The following FRMPD3 variants were observed in gnomAD, a reference collection of about 807,000 sequenced individuals.
FRMPD3 encodes the protein FERM and PDZ domain-containing protein 3.
A neutral mutation model predicts 97.9 loss-of-function variants in FRMPD3; 42 were observed. That is an observed-to-expected ratio of 0.43 (90% CI 0.34 to 0.55). The LOEUF (loss-of-function observed/expected upper bound fraction) is 0.55, where lower values mean the gene tolerates loss of function less well. FRMPD3 is among the 20% of genes least tolerant of loss of function. FRMPD3 has a pLI of 0.03. For missense variants in FRMPD3, 1,303 were observed against 1,457.7 expected (o/e 0.89, Z 1.73); for synonymous variants, 577 against 581.1 (o/e 0.99, Z 0.10).
intron 1 of FRMPD3, among the ~76,000 whole-genome samples, chrX:107,524,098 T>A (rs1922602497): frequency 8.9e-6 from 1 of 112,357 alleles, no homozygotes; most frequent in Non-Finnish European, 1.9e-5. Flanking sequence ...GAAGTCCTTT[T>A]AGCGCCAACA....
chrX:107,506,331 A>AC (rs1479562706), intron 1 of FRMPD3, among the ~76,000 whole-genome samples: 1 of 112,326 alleles, frequency 8.9e-6, no homozygotes, highest in Non-Finnish European at 1.9e-5. Context: ...TCAGAAAAAA[A>AC]TGGGGAAAGT....
chrX:107,515,869 A>G (rs908858712), intron 1 of FRMPD3, among the ~76,000 whole-genome samples: 9 of 111,757 alleles, frequency 8.1e-5, no homozygotes, highest in African/African-American at 2.6e-4. Context: ...AAGAAAAGAA[A>G]CATCCTCCAT....
rs776762201 is a variant in FRMPD3 at position 107,456,900 on chromosome X, G to C, written c.-8+6895G>C. ...TCAAGCTCATTTTTCTTTTTTTCTC[G>C]CTTTGGCATAATGATTAAAACAAGA... On this transcript the variant is annotated intron_variant, in intron 1 of 14. Transcript: ENST00000683843. Among the ~76,000 whole-genome samples, 12 of 111,624 alleles carry C rather than the reference G, an allele frequency of 1.1e-4. No individual in the cohort carries two copies. In the South Asian group the frequency reaches 4.5e-3, roughly 42 times the overall value.
chrX:107,535,468 G>A (rs1039129570), intron 4 of FRMPD3, among the ~76,000 whole-genome samples: 1 of 109,372 alleles, frequency 9.1e-6, no homozygotes, highest in Admixed American at 9.8e-5. Context: ...CCAGGAGTTC[G>A]AGACCAGCCT....
chrX:107,511,868 T>C (rs1472368916), intron 1 of FRMPD3, among the ~76,000 whole-genome samples: 1 of 112,094 alleles, frequency 8.9e-6, no homozygotes, highest in Non-Finnish European at 1.9e-5. Flanking sequence ...CTTAGCATTC[T>C]GTGCCAGGGC....
chrX:107,538,021 G>A (rs2147562394), intron 4 of FRMPD3, among the ~76,000 whole-genome samples: 1 of 111,590 alleles, frequency 9.0e-6, no homozygotes, highest in African/African-American at 3.3e-5. Flanking sequence ...GCAGTGCAGT[G>A]TAGTGCAAGA....
At position 107,602,062 on chromosome X, in the gene FRMPD3, G is replaced by T. The variant is rs1481315307; in HGVS notation, c.4023G>T (p.Val1341=). ...SQRQPEAGPG[V]SLSSPINVQR... is the part of the protein sequence containing the mutation. ...GGCAGCCAGAGGCTGGCCCAGGCGT[G>T]AGCCTCAGCAGCCCCATCAATGTCC... Residue 1341 remains valine, a synonymous_variant, in exon 15 of 15, where the codon GTG becomes GTT. Transcript: ENST00000683843. The T allele has an allele frequency of 8.3e-7, 1 of 1,197,659 alleles. No homozygotes were observed.
At chrX:107,463,295 A>G (rs1270585120) in intron 1 of FRMPD3, among the ~76,000 whole-genome samples, 1 of 112,192 alleles carries the variant, frequency 8.9e-6, no homozygotes, top group Non-Finnish European at 1.9e-5. Flanking sequence ...GAATACTTCT[A>G]TGATCCATGG....
intron 12 of FRMPD3, among the ~76,000 whole-genome samples, chrX:107,565,417 G>A (rs950135362): frequency 2.7e-5 from 3 of 111,766 alleles, no homozygotes; most frequent in Admixed American, 9.5e-5. Context: ...TTCACAGGCC[G>A]GCATGGTGGC....
At chrX:107,512,243 T>A (rs1432721570) in intron 1 of FRMPD3, among the ~76,000 whole-genome samples, 1 of 110,344 alleles carries the variant, frequency 9.1e-6, no homozygotes, top group African/African-American at 3.3e-5. Flanking sequence ...AGCAGTCCCC[T>A]CCCCTAGAGC....
intron 9 of FRMPD3, 98 bp downstream of exon 9, chrX:107,560,491 C>T: frequency 9.4e-7 from 1 of 1,062,626 alleles, no homozygotes; most frequent in Non-Finnish European, 1.3e-6. Context: ...AAATGTAGGA[C>T]ATGGGATGGG....
At position 107,492,860 on chromosome X, in the gene FRMPD3, G is replaced by A. The variant is rs186290135; in HGVS notation, c.-7-33722G>A. On this transcript the variant is annotated intron_variant, in intron 1 of 14. Transcript: ENST00000683843. ...CACAGCTAGAAACCCTTTCATGGGA[G>A]TTTTCATTGTTTGGAGACTATAGAA... 1.8e-4 allele frequency among the ~76,000 whole-genome samples: 20 copies of A among 111,548 alleles called. No homozygotes were observed. The East Asian group carries it at 4.8e-3, about 27-fold the overall frequency.
At chrX:107,537,334 A>T (rs985650839) in intron 4 of FRMPD3, among the ~76,000 whole-genome samples, 7 of 111,707 alleles carry the variant, frequency 6.3e-5, no homozygotes, top group African/African-American at 2.3e-4. Context: ...TTAAATACCT[A>T]CTATTCTGGA....
chrX:107,530,580 C>T, intron 3 of FRMPD3, 69 bp downstream of exon 3: 4 of 725,745 alleles, frequency 5.5e-6, no homozygotes, highest in South Asian at 2.4e-5. Flanking sequence ...CATGGGGCCA[C>T]CACTATCCCC....
intron 4 of FRMPD3, chrX:107,545,374 TATAATA>T (rs774930476): frequency 8.3e-6 from 1 of 120,055 alleles, no homozygotes; most frequent in Non-Finnish European, 1.7e-5. Context: ...TATATTCAGA[TATAATA>T]ATAATAATAA....
Position 107,601,441 on chromosome X carries a change from GAGCCCCAGCTGCCAGTCAAGAAGCCAC to G in FRMPD3, c.3418_3444del (p.Ser1140_Gln1148del), listed in dbSNP as rs1924501560. 5.1e-6 allele frequency: 6 copies of G among 1,177,322 alleles called. No homozygotes were observed. The highest frequency in any genetic ancestry group is 3.2e-5 in the East Asian group (1 of 31,556). Reference sequence around the variant, plus strand: ...GAGCTACCTACCCCATGGCTCTGCAGAGCCCCAGCTGCCAGTCAAGAAGCCACAGCCCCAGCTGCCAGCCTCATGGCC... The same window carrying G: ...GAGCTACCTACCCCATGGCTCTGCAGAGCCCCAGCTGCCAGCCTCATGGCC... On this transcript the variant is annotated inframe_deletion, in exon 15 of 15. Coordinates refer to ENST00000683843, the MANE Select transcript of FRMPD3 (RefSeq NM_001388459.1).
intron 1 of FRMPD3, among the ~76,000 whole-genome samples, 81 bp downstream of exon 1, chrX:107,450,086 C>T (rs1457109575): frequency 9.1e-6 from 1 of 110,443 alleles, no homozygotes; most frequent in Non-Finnish European, 1.9e-5. Flanking sequence ...AGCGTTCCGC[C>T]CCGGGCCGGC....
chrX:107,591,916 A>T (rs1287984398), intron 13 of FRMPD3, among the ~76,000 whole-genome samples: 4 of 111,863 alleles, frequency 3.6e-5, no homozygotes, highest in Non-Finnish European at 7.5e-5. Flanking sequence ...CAATCCAATT[A>T]TACTCTTTTA....
chrX:107,501,872 C>T (rs1319107136), intron 1 of FRMPD3, among the ~76,000 whole-genome samples: 1 of 109,742 alleles, frequency 9.1e-6, no homozygotes, highest in Non-Finnish European at 1.9e-5. Context: ...CCTCAGTTTC[C>T]TCACTCATTC....
Sources: allele counts gnomAD v4.1 joint callset (sites outside exome capture counted in the v4.1 genomes callset), GRCh38; gene constraint gnomAD v4.1.1; transcripts MANE v1.5; gene names NCBI Gene and HGNC (gene_info 2026-07-23, HGNC 2026-07-21).